TAS2R1: variants seen among roughly 807,000 people sequenced by gnomAD.
TAS2R1 encodes the protein taste receptor type 2 member 1.
For synonymous variants in TAS2R1, 141 were observed against 134.2 expected (o/e 1.05, Z -0.35); for missense variants, 370 against 353.4 (o/e 1.05, Z -0.38).
the TAS2R1 span, among the ~76,000 whole-genome samples, chr5:9,854,878 G>C: frequency 6.6e-6 from 1 of 152,198 alleles, no homozygotes; most frequent in Non-Finnish European, 1.5e-5. Flanking sequence ...TACATAAAAA[G>C]ATTTGAGTTG....
At chr5:9,788,519 T>G in the TAS2R1 span, among the ~76,000 whole-genome samples, 1 of 152,210 alleles carries the variant, frequency 6.6e-6, no homozygotes, top group Non-Finnish European at 1.5e-5. Flanking sequence ...CCGTGAGAGC[T>G]AATTCCTAGA....
intron 1 of TAS2R1, among the ~76,000 whole-genome samples, chr5:9,678,824 A>G (rs996011125): frequency 6.6e-6 from 1 of 152,120 alleles, no homozygotes; most frequent in Non-Finnish European, 1.5e-5. Context: ...TAGCCAATGG[A>G]TGCTGGGCTT....
the TAS2R1 span, among the ~76,000 whole-genome samples, chr5:9,898,405 G>A: frequency 2.6e-5 from 4 of 152,158 alleles, no homozygotes; most frequent in South Asian, 2.1e-4. Context: ...AGAGAGGGAC[G>A]AGGTAGAAGC....
chr5:9,837,660 T>C, the TAS2R1 span, among the ~76,000 whole-genome samples: 1 of 152,180 alleles, frequency 6.6e-6, no homozygotes, highest in African/African-American at 2.4e-5. Flanking sequence ...CTTTCCTCCA[T>C]TGCACACACA....
At chr5:9,671,447 G>A (rs1038583203) in intron 1 of TAS2R1, among the ~76,000 whole-genome samples, 2 of 152,094 alleles carry the variant, frequency 1.3e-5, no homozygotes, top group Non-Finnish European at 2.9e-5. Context: ...CAAAGTTTCA[G>A]GATACAAAAT....
chr5:9,721,516 T>C, the TAS2R1 span, among the ~76,000 whole-genome samples: 25,781 of 152,238 alleles, frequency 0.17, 2,201 homozygotes, highest in Middle Eastern at 0.28. Flanking sequence ...AGGCGCTGAA[T>C]GAATAGAACC....
the TAS2R1 span, among the ~76,000 whole-genome samples, chr5:9,812,693 G>C: frequency 2.0e-5 from 3 of 152,070 alleles, no homozygotes; most frequent in Non-Finnish European, 4.4e-5. Flanking sequence ...AGGGGGCCAG[G>C]AACTTAGTAA....
intron 2 of TAS2R1, among the ~76,000 whole-genome samples, chr5:9,637,766 A>G (rs1482878223): frequency 6.6e-6 from 1 of 151,954 alleles, no homozygotes; most frequent in African/African-American, 2.4e-5. Flanking sequence ...TGTATCTTTT[A>G]TTTCCAGAAT....
the TAS2R1 span, among the ~76,000 whole-genome samples, chr5:9,788,268 G>A: frequency 2.0e-5 from 3 of 152,190 alleles, no homozygotes; most frequent in Admixed American, 6.5e-5. Context: ...TATTTGCACT[G>A]TCCAAACACA....
chr5:9,892,248 CT>C, the TAS2R1 span, among the ~76,000 whole-genome samples: 1 of 152,202 alleles, frequency 6.6e-6, no homozygotes, highest in Non-Finnish European at 1.5e-5. Context: ...AGAAGACATT[CT>C]GATCTGAGTA....
At chr5:9,850,392 A>G in the TAS2R1 span, among the ~76,000 whole-genome samples, 1 of 152,254 alleles carries the variant, frequency 6.6e-6, no homozygotes, top group Non-Finnish European at 1.5e-5. Flanking sequence ...CCATAATCAA[A>G]AAGTGATGGT....
the TAS2R1 span, among the ~76,000 whole-genome samples, chr5:9,747,517 G>A: frequency 5.9e-5 from 9 of 152,060 alleles, no homozygotes; most frequent in Admixed American, 1.3e-4. Flanking sequence ...AGGAGGTGCT[G>A]GGCTCTTTTT....
At chr5:9,893,544 A>C in the TAS2R1 span, among the ~76,000 whole-genome samples, 1 of 152,202 alleles carries the variant, frequency 6.6e-6, no homozygotes, top group Non-Finnish European at 1.5e-5. Flanking sequence ...GGTCCACTTC[A>C]AAATTTTTTT....
chr5:9,810,325 A>T, the TAS2R1 span, among the ~76,000 whole-genome samples: 1 of 152,178 alleles, frequency 6.6e-6, no homozygotes, highest in Non-Finnish European at 1.5e-5. Context: ...CTTGACTTCT[A>T]TGTGTCTCCT....
At chr5:9,754,296 A>G in the TAS2R1 span, among the ~76,000 whole-genome samples, 8 of 152,160 alleles carry the variant, frequency 5.3e-5, no homozygotes, top group Non-Finnish European at 1.0e-4. Flanking sequence ...CCCACAGCCA[A>G]TATCATACTG....
chr5:9,875,667 C>T, the TAS2R1 span, among the ~76,000 whole-genome samples: 1 of 152,172 alleles, frequency 6.6e-6, no homozygotes, highest in African/African-American at 2.4e-5. Flanking sequence ...GTTACCACAA[C>T]TCAATGGCTC....
At chr5:9,856,013 C>T in the TAS2R1 span, among the ~76,000 whole-genome samples, 5 of 151,524 alleles carry the variant, frequency 3.3e-5, no homozygotes, top group Non-Finnish European at 5.9e-5. Context: ...AAAGATTATG[C>T]CTTTGAATAA....
At chr5:9,821,299 A>ACAC in the TAS2R1 span, among the ~76,000 whole-genome samples, 3 of 152,024 alleles carry the variant, frequency 2.0e-5, no homozygotes, top group East Asian at 1.9e-4. Context: ...AGACTCAAGC[A>ACAC]CACCACCACC....
chr5:9,782,783 A>G, the TAS2R1 span, among the ~76,000 whole-genome samples: 430 of 145,144 alleles, frequency 3.0e-3, no homozygotes, highest in African/African-American at 0.011. Flanking sequence ...TGTCCAGTGG[A>G]AAAAAAAAAT....
Sources: allele counts gnomAD v4.1 joint callset (sites outside exome capture counted in the v4.1 genomes callset), GRCh38; gene constraint gnomAD v4.1.1; transcripts MANE v1.5; gene names NCBI Gene and HGNC (gene_info 2026-07-23, HGNC 2026-07-21).